TAS2R1: variants seen among roughly 807,000 people sequenced by gnomAD.
TAS2R1 encodes the protein taste 2 receptor member 1.
For missense variants in TAS2R1, 370 were observed against 353.4 expected (o/e 1.05, Z -0.38); for synonymous variants, 141 against 134.2 (o/e 1.05, Z -0.35).
chr5:9,627,962 A>C lies in TAS2R1; in HGVS notation c.*1171T>G, dbSNP rs2126471060. Among the ~76,000 whole-genome samples the C allele has an allele frequency of 6.6e-6, 1 of 152,276 alleles. No individual in the cohort carries two copies. The highest frequency in any genetic ancestry group is 1.9e-4 in the East Asian group (1 of 5,174). On this transcript the variant is annotated 3_prime_UTR_variant, in exon 1 of 1. Transcript: ENST00000382492. ...TTAGAAAAGCTGTATTTGGGTTCCT[A>C]TTACTGGTGATTGAAAAATCTAAAC...
At chr5:9,633,463 C>G (rs761364037), upstream of TAS2R1, among the ~76,000 whole-genome samples, 1 of 151,418 alleles carries the variant, frequency 6.6e-6, no homozygotes, top group Non-Finnish European at 1.5e-5. Context: ...GGTAGATACC[C>G]GGGAGTGGGA....
In TAS2R1 at chr5:9,629,022, G is replaced by T; in HGVS notation, c.*111C>A. 1 of 1,162,420 alleles carries T rather than the reference G, an allele frequency of 8.6e-7. No individual in the cohort carries two copies. The highest frequency in any genetic ancestry group is 2.0e-5 in the South Asian group (1 of 49,230). The allele number at this position is 1,162,420 out of a possible 1,614,324, so 72.0% of individuals were successfully genotyped here. A position where few individuals can be genotyped will look rare whatever the true frequency, so the allele number is the denominator to read the frequency against. ...CTCAGGCTGGATAAACAGGCCTGAA[G>T]GGGACATGTTGTATATTTATGAACA... On this transcript the variant is annotated 3_prime_UTR_variant, in exon 1 of 1. Coordinates refer to ENST00000382492, the MANE Select transcript of TAS2R1 (RefSeq NM_019599.3).
intron 1 of TAS2R1, among the ~76,000 whole-genome samples, chr5:9,662,875 A>G (rs1272050016): frequency 6.6e-6 from 1 of 152,188 alleles, no homozygotes; most frequent in Non-Finnish European, 1.5e-5. Context: ...GTCAATACCC[A>G]ATTACTTTTG....
At chr5:9,787,576 C>G in the TAS2R1 span, among the ~76,000 whole-genome samples, 1 of 152,172 alleles carries the variant, frequency 6.6e-6, no homozygotes, top group Non-Finnish European at 1.5e-5. Flanking sequence ...TAATCAATCC[C>G]CTGCAAGCTC....
intron 1 of TAS2R1, among the ~76,000 whole-genome samples, chr5:9,700,879 T>C (rs1324445188): frequency 2.0e-5 from 3 of 152,182 alleles, no homozygotes; most frequent in African/African-American, 4.8e-5. Flanking sequence ...ACCTCATTCT[T>C]AACTGAATTA....
the TAS2R1 span, among the ~76,000 whole-genome samples, chr5:9,866,501 T>C: frequency 0.079 from 12,007 of 152,292 alleles, 601 homozygotes; most frequent in African/African-American, 0.13. Context: ...GTTATCACTC[T>C]CCAGAGAGAA....
chr5:9,799,849 C>T, the TAS2R1 span, among the ~76,000 whole-genome samples: 1 of 152,192 alleles, frequency 6.6e-6, no homozygotes, highest in African/African-American at 2.4e-5. Context: ...CTCTCAATGG[C>T]ATTTTGAGGG....
the TAS2R1 span, among the ~76,000 whole-genome samples, chr5:9,845,125 AG>A: frequency 6.6e-6 from 1 of 152,146 alleles, no homozygotes; most frequent in Admixed American, 6.5e-5. Context: ...AGTGGTAATT[AG>A]GTTTAGGTGA....
At chr5:9,672,592 AC>A (rs1428091306) in intron 1 of TAS2R1, among the ~76,000 whole-genome samples, 1 of 152,220 alleles carries the variant, frequency 6.6e-6, no homozygotes, top group Non-Finnish European at 1.5e-5. Context: ...ATACTGTCTC[AC>A]ACCAGTAAAA....
the TAS2R1 span, among the ~76,000 whole-genome samples, chr5:9,854,740 G>A: frequency 6.6e-6 from 1 of 152,140 alleles, no homozygotes; most frequent in African/African-American, 2.4e-5. Flanking sequence ...AACAGGGAAG[G>A]TTAAATAAAT....
the TAS2R1 span, among the ~76,000 whole-genome samples, chr5:9,874,012 A>AAGGG: frequency 6.6e-5 from 9 of 135,732 alleles, no homozygotes; most frequent in East Asian, 1.5e-3. Flanking sequence ...GAAAGGAAGG[A>AAGGG]AGGGAGGGAG....
At chr5:9,859,740 G>A in the TAS2R1 span, among the ~76,000 whole-genome samples, 4 of 152,230 alleles carry the variant, frequency 2.6e-5, no homozygotes, top group East Asian at 3.9e-4. Flanking sequence ...TCCAGCTATC[G>A]TCAACAAACA....
At chr5:9,801,906 C>T in the TAS2R1 span, among the ~76,000 whole-genome samples, 13 of 152,322 alleles carry the variant, frequency 8.5e-5, no homozygotes, top group South Asian at 2.7e-3. Flanking sequence ...TGAGCTCAGA[C>T]ATACCTATCC....
chr5:9,720,947 A>G, the TAS2R1 span, among the ~76,000 whole-genome samples: 3 of 152,166 alleles, frequency 2.0e-5, no homozygotes, highest in Admixed American at 6.5e-5. Flanking sequence ...AGCTGCTGCA[A>G]TGCTGGAAAA....
chr5:9,890,775 T>A, the TAS2R1 span, among the ~76,000 whole-genome samples: 1 of 152,222 alleles, frequency 6.6e-6, no homozygotes, highest in South Asian at 2.1e-4. Context: ...TGAAATTTCT[T>A]GACCCTGTTT....
the TAS2R1 span, among the ~76,000 whole-genome samples, chr5:9,823,904 C>T: frequency 6.6e-6 from 1 of 152,070 alleles, no homozygotes; most frequent in African/African-American, 2.4e-5. Flanking sequence ...AGAATGTGGG[C>T]AACACTGATA....
the TAS2R1 span, among the ~76,000 whole-genome samples, chr5:9,892,890 C>T: frequency 6.6e-6 from 1 of 152,120 alleles, no homozygotes; most frequent in Admixed American, 6.5e-5. Flanking sequence ...TTTCACAGAC[C>T]AAGTATCCCT....
At chr5:9,788,090 A>T in the TAS2R1 span, among the ~76,000 whole-genome samples, 1 of 152,184 alleles carries the variant, frequency 6.6e-6, no homozygotes, top group Non-Finnish European at 1.5e-5. Context: ...ATTCAAAGAG[A>T]ACTCAGATAT....
chr5:9,868,960 T>C, the TAS2R1 span, among the ~76,000 whole-genome samples: 1 of 152,208 alleles, frequency 6.6e-6, no homozygotes, highest in African/African-American at 2.4e-5. Context: ...GCCTGGACTT[T>C]ATTGTCCATA....
Sources: allele counts gnomAD v4.1 joint callset (sites outside exome capture counted in the v4.1 genomes callset), GRCh38; gene constraint gnomAD v4.1.1; transcripts MANE v1.5; gene names NCBI Gene and HGNC (gene_info 2026-07-23, HGNC 2026-07-21).